The following THSD7A variants were observed in gnomAD, a reference collection of about 807,000 sequenced individuals.
THSD7A encodes the protein thrombospondin type 1 domain containing 7A.
THSD7A carries 96 observed loss-of-function variants against 231.3 expected under a neutral mutation model. The observed-to-expected ratio is 0.41, with a 90% confidence interval of 0.35 to 0.49. The LOEUF is 0.49. Among genes scored for constraint, THSD7A ranks in the 20% least tolerant of loss-of-function variants. The pLI is 0.05. For missense variants in THSD7A, 2,290 were observed against 2,070.2 expected (o/e 1.11, Z -2.06); for synonymous variants, 940 against 743.3 (o/e 1.26, Z -4.30).
intron 1 of THSD7A, among the ~76,000 whole-genome samples, chr7:11,650,991 T>G (rs1453970428): frequency 6.6e-6 from 1 of 151,980 alleles, no homozygotes; most frequent in Non-Finnish European, 1.5e-5. Context: ...GGTGCTGTGA[T>G]AGGCAAGCAA....
chr7:11,653,994 C>T (rs1056175169), intron 1 of THSD7A, among the ~76,000 whole-genome samples: 8 of 151,712 alleles, frequency 5.3e-5, no homozygotes, highest in Non-Finnish European at 8.8e-5. Context: ...CTTCTATGTT[C>T]TTACTAAATC....
At chr7:11,480,713 G>A (rs983476911) in intron 7 of THSD7A, among the ~76,000 whole-genome samples, 3 of 152,008 alleles carry the variant, frequency 2.0e-5, no homozygotes, top group African/African-American at 7.2e-5. Flanking sequence ...ATGTGCAAAG[G>A]CCAAGGTAAT....
rs561646912 is a variant in THSD7A, at chr7:11,522,463, C to T, written c.1822+18956G>A. Among the ~76,000 whole-genome samples the T allele has an allele frequency of 5.9e-5, 9 of 152,270 alleles. No individual in the cohort carries two copies. The East Asian group carries it at 1.3e-3, about 23-fold the overall frequency. ...ATAAATGAGATTCAACACAAACATA[C>T]TGTTTTTAAGTACTTTGCTTATTTT... is the stretch of plus-strand genomic sequence containing the variant. On this transcript the variant is annotated intron_variant, in intron 6 of 27. Coordinates refer to ENST00000423059, the MANE Select transcript of THSD7A (RefSeq NM_015204.3).
chr7:11,379,529 C>A, intron 25 of THSD7A, 101 bp downstream of exon 25: 1 of 1,166,328 alleles, frequency 8.6e-7, no homozygotes, highest in South Asian at 1.4e-5. Context: ...GATTTTTATG[C>A]CTCAAGACAT....
At chr7:11,475,871 C>T (rs530542827) in intron 7 of THSD7A, among the ~76,000 whole-genome samples, 21 of 147,086 alleles carry the variant, frequency 1.4e-4, no homozygotes, top group African/African-American at 4.5e-4. Context: ...GGTGCAAAGA[C>T]ATTAATATTT....
At chr7:11,594,931 C>A (rs374705284) in intron 2 of THSD7A, among the ~76,000 whole-genome samples, 19 of 152,154 alleles carry the variant, frequency 1.2e-4, no homozygotes, top group Admixed American at 1.2e-3. Context: ...GGAATGCAGA[C>A]GTGTGGGGGG....
intron 1 of THSD7A, among the ~76,000 whole-genome samples, chr7:11,699,396 T>C (rs2128144192): frequency 6.6e-6 from 1 of 151,444 alleles, no homozygotes; most frequent in East Asian, 2.0e-4. Flanking sequence ...AATGCCTTTG[T>C]AGTAAAAAGT....
intron 1 of THSD7A, among the ~76,000 whole-genome samples, chr7:11,727,003 C>T (rs530732473): frequency 6.6e-6 from 1 of 152,042 alleles, no homozygotes; most frequent in East Asian, 2.0e-4. Context: ...ACATGCACCA[C>T]GAACAGGCAG....
chr7:11,687,866 CT>C (rs371731235), intron 1 of THSD7A, among the ~76,000 whole-genome samples: 277 of 147,126 alleles, frequency 1.9e-3, no homozygotes, highest in East Asian at 0.017. Context: ...TGGGGTGTTT[CT>C]TTTTTTTTTA....
At chr7:11,638,053 T>C (rs768471142) in intron 1 of THSD7A, among the ~76,000 whole-genome samples, 8 of 152,194 alleles carry the variant, frequency 5.3e-5, no homozygotes, top group Non-Finnish European at 8.8e-5. Flanking sequence ...ACATGTGGGG[T>C]GGGCTCTAGT....
At chr7:11,670,817 G>T (rs1463716646) in intron 1 of THSD7A, among the ~76,000 whole-genome samples, 13 of 151,954 alleles carry the variant, frequency 8.6e-5, no homozygotes. Context: ...AAAAAAACAG[G>T]GTTCAATACT....
intron 16 of THSD7A, among the ~76,000 whole-genome samples, chr7:11,420,834 C>G (rs766927353): frequency 6.6e-6 from 1 of 152,210 alleles, no homozygotes; most frequent in Non-Finnish European, 1.5e-5. Context: ...ACCCCTGTGT[C>G]ATTGTGTCCT....
In THSD7A at chr7:11,760,221, G is replaced by T. The variant is rs1443146222; in HGVS notation, c.190+71536C>A. Among the ~76,000 whole-genome samples the T allele has an allele frequency of 8.5e-5, 13 of 152,194 alleles. No individual in the cohort carries two copies. The East Asian group carries it at 2.5e-3, about 29-fold the overall frequency. On this transcript the variant is annotated intron_variant, in intron 1 of 27. Coordinates refer to ENST00000423059, the MANE Select transcript of THSD7A (RefSeq NM_015204.3). ...TGGAAGATTCAAAAATTAATGGAAT[G>T]ATATTTGGGAGATTTAGATGGATAC...
At chr7:11,741,672 T>C (rs1782119456) in intron 1 of THSD7A, among the ~76,000 whole-genome samples, 1 of 151,868 alleles carries the variant, frequency 6.6e-6, no homozygotes. Flanking sequence ...TATTTTTAAA[T>C]TATAAGGTTA....
intron 2 of THSD7A, among the ~76,000 whole-genome samples, chr7:11,615,187 T>C (rs996581972): frequency 6.6e-6 from 1 of 152,164 alleles, no homozygotes; most frequent in African/African-American, 2.4e-5. Flanking sequence ...ACTGCGTGCA[T>C]CTTGGAAGGG....
At chr7:11,674,558 G>A (rs1392996798) in intron 1 of THSD7A, among the ~76,000 whole-genome samples, 1 of 152,068 alleles carries the variant, frequency 6.6e-6, no homozygotes, top group Non-Finnish European at 1.5e-5. Flanking sequence ...CCCCAAAGGA[G>A]CCCATCTGCA....
chr7:11,668,773 C>T (rs1783256863), intron 1 of THSD7A, among the ~76,000 whole-genome samples: 1 of 152,048 alleles, frequency 6.6e-6, no homozygotes, highest in Admixed American at 6.6e-5. Flanking sequence ...TCATGTAATC[C>T]AGCCTTCTGT....
intron 4 of THSD7A, among the ~76,000 whole-genome samples, chr7:11,561,618 C>G (rs540535131): frequency 1.2e-4 from 18 of 152,280 alleles, no homozygotes; most frequent in African/African-American, 4.3e-4. Context: ...GACCTGTAAT[C>G]CCAACAACTT....
At chr7:11,546,206 A>ACT (rs1254982435) in intron 4 of THSD7A, among the ~76,000 whole-genome samples, 3 of 106,300 alleles carry the variant, frequency 2.8e-5, no homozygotes, top group Non-Finnish European at 6.1e-5. Context: ...GCGCGCGCTC[A>ACT]CACACACACA....
Sources: gnomAD v4.1 joint callset for allele counts (sites outside exome capture counted in the v4.1 genomes callset) on GRCh38, gnomAD v4.1.1 for gene constraint, MANE v1.5 for transcripts, NCBI Gene and HGNC (gene_info 2026-07-23, HGNC 2026-07-21) for gene names.